WIPF3: variants seen among roughly 807,000 people sequenced by gnomAD.
The protein encoded by WIPF3 is WAS/WASL interacting protein family member 3, also known as WAS/WASL-interacting protein family member 3.
Under a neutral mutation model 38.9 loss-of-function variants are expected in WIPF3, and 33 were observed. The observed-to-expected ratio is 0.85, with a 90% CI of 0.64 to 1.14. WIPF3 has a LOEUF of 1.14. Ranked by LOEUF, WIPF3 falls within the 50% of genes most tolerant of loss-of-function variation. The pLI is 0.00. For synonymous variants in WIPF3, 324 were observed against 269.3 expected, an observed-to-expected ratio of 1.20 and a Z score of -1.99; for missense variants, 711 against 652.5, an observed-to-expected ratio of 1.09 and a Z score of -0.98.
chr7:29,829,934 A>G (rs1583594048), intron 1 of WIPF3, among the ~76,000 whole-genome samples: 2 of 152,344 alleles, frequency 1.3e-5, no homozygotes, highest in East Asian at 1.9e-4. Flanking sequence ...TACATCCTAA[A>G]CATTTTAAAT....
rs531099178 is a variant in WIPF3 at position 29,889,056 on chromosome 7, A to G, written c.1250-250A>G. The stretch of plus-strand genomic sequence containing the variant: ...TCCTTACGGTGTTATTGGTTGAAGT[A>G]AGTTCAGGTGGGTGACAGGGAGTGA... On this transcript the variant is annotated intron_variant, in intron 6 of 8. Coordinates refer to ENST00000242140, the MANE Select transcript of WIPF3 (RefSeq NM_001080529.3). 2.0e-5 allele frequency among the ~76,000 whole-genome samples: 3 copies of G among 152,292 alleles called. No individual in the cohort carries two copies. In the South Asian group the frequency reaches 6.2e-4, roughly 32 times the overall value.
intron 7 of WIPF3, among the ~76,000 whole-genome samples, chr7:29,900,495 G>A (rs2286142): frequency 0.69 from 104,316 of 151,936 alleles, 36,901 homozygotes; most frequent in South Asian, 0.89. Flanking sequence ...TCAGTTCTCT[G>A]CGAGGAGAGG....
intron 2 of WIPF3, among the ~76,000 whole-genome samples, chr7:29,835,988 A>AGATGTCAC (rs1387423392): frequency 2.6e-5 from 4 of 152,206 alleles, no homozygotes; most frequent in Non-Finnish European, 5.9e-5. Context: ...AGTATGCCTG[A>AGATGTCAC]GATGTCACCC....
chr7:29,853,948 A>G (rs1228017543), intron 2 of WIPF3, among the ~76,000 whole-genome samples: 4 of 152,220 alleles, frequency 2.6e-5, no homozygotes, highest in Non-Finnish European at 5.9e-5. Flanking sequence ...ATTTCATTGC[A>G]GCATTTATGT....
chr7:29,829,858 C>T (rs568049474), intron 1 of WIPF3, among the ~76,000 whole-genome samples: 48 of 152,222 alleles, frequency 3.2e-4, no homozygotes, highest in African/African-American at 1.1e-3. Context: ...ATGTGTATTT[C>T]GATGCTGTTT....
In WIPF3 at chr7:29,904,502, A is replaced by G. The variant is rs1230548693; in HGVS notation, c.1428+140A>G. The G allele has an allele frequency of 3.8e-6, 3 of 792,570 alleles. No individual in the cohort carries two copies. The East Asian group carries it at 8.0e-5, about 21-fold the overall frequency. 49.1% of individuals were successfully genotyped at this position (792,570 alleles called of 1,614,324 possible). On this transcript the variant is annotated intron_variant, in intron 8 of 8. Transcript: ENST00000242140. ...TTCCTCAGGGAAAGCCATTTGGTGG[A>G]CCTTTTTTCAAGCCAGAATGAAACA... is the stretch of plus-strand genomic sequence containing the variant.
chr7:29,813,272 A>G (rs567105163), intron 1 of WIPF3, among the ~76,000 whole-genome samples: 14 of 152,288 alleles, frequency 9.2e-5, no homozygotes, highest in Admixed American at 6.5e-4. Flanking sequence ...CTCTCCCTAC[A>G]ATTCAGTTTC....
At chr7:29,851,472 G>C (rs1376260465) in intron 2 of WIPF3, among the ~76,000 whole-genome samples, 2 of 152,010 alleles carry the variant, frequency 1.3e-5, no homozygotes, top group Non-Finnish European at 2.9e-5. Flanking sequence ...TCCTCACCAG[G>C]GTCATGCAAG....
chr7:29,863,445 C>T (rs1158652763), intron 2 of WIPF3, among the ~76,000 whole-genome samples: 2 of 152,238 alleles, frequency 1.3e-5, no homozygotes, highest in African/African-American at 4.8e-5. Flanking sequence ...TCTATCATAA[C>T]CAGACCATAC....
At chr7:29,828,064 G>T (rs937659655) in intron 1 of WIPF3, among the ~76,000 whole-genome samples, 13 of 152,106 alleles carry the variant, frequency 8.5e-5, no homozygotes, top group African/African-American at 2.9e-4. Flanking sequence ...CTCCCAAAGT[G>T]CTGGGATTAC....
intron 1 of WIPF3, among the ~76,000 whole-genome samples, chr7:29,814,186 A>G (rs1422917205): frequency 6.6e-6 from 1 of 152,210 alleles, no homozygotes; most frequent in East Asian, 1.9e-4. Context: ...CCCAAAATAA[A>G]TGTAATAACC....
At chr7:29,834,560 C>A in intron 1 of WIPF3, 108 bp from the exon 2 acceptor site, 1 of 984,636 alleles carries the variant, frequency 1.0e-6, no homozygotes, top group Non-Finnish European at 1.4e-6. Context: ...AATGAATGAA[C>A]AGGTGAAAGA....
chr7:29,831,077 C>A (rs1235643004), intron 1 of WIPF3, among the ~76,000 whole-genome samples: 1 of 152,184 alleles, frequency 6.6e-6, no homozygotes, highest in East Asian at 1.9e-4. Flanking sequence ...TGTTTCAGCT[C>A]TCATCCTATA....
At chr7:29,889,988 G>A (rs189203355) in intron 7 of WIPF3, among the ~76,000 whole-genome samples, 1 of 152,114 alleles carries the variant, frequency 6.6e-6, no homozygotes, top group Non-Finnish European at 1.5e-5. Flanking sequence ...GCCCAGTAAG[G>A]GCCCTCCTCC....
intron 2 of WIPF3, among the ~76,000 whole-genome samples, chr7:29,846,590 A>T (rs1367066143): frequency 1.3e-5 from 2 of 152,166 alleles, no homozygotes; most frequent in African/African-American, 4.8e-5. Context: ...AATCCCAGCT[A>T]CTCGGGAGGC....
chr7:29,830,644 A>G (rs1167134550), intron 1 of WIPF3, among the ~76,000 whole-genome samples: 1 of 151,738 alleles, frequency 6.6e-6, no homozygotes, highest in Non-Finnish European at 1.5e-5. Context: ...AAAGAAAGAA[A>G]GAAATGAGGT....
At chr7:29,894,929 G>T (rs174988) in intron 7 of WIPF3, among the ~76,000 whole-genome samples, 66,945 of 147,502 alleles carry the variant, frequency 0.45, 16,288 homozygotes, top group East Asian at 0.74. Flanking sequence ...GTTTTTTTTT[G>T]TTGTTGTTGT....
chr7:29,874,428 A>G (rs1202077575), intron 2 of WIPF3, among the ~76,000 whole-genome samples: 2 of 152,248 alleles, frequency 1.3e-5, no homozygotes, highest in South Asian at 2.1e-4. Context: ...ACCCTATGAT[A>G]AATGTGACAG....
At chr7:29,869,594 G>A (rs552422421) in intron 2 of WIPF3, among the ~76,000 whole-genome samples, 1 of 152,252 alleles carries the variant, frequency 6.6e-6, no homozygotes, top group African/African-American at 2.4e-5. Context: ...GGGTAGTTGA[G>A]TCTCTAATCC....
Sources: gnomAD v4.1 joint callset for allele counts (sites outside exome capture counted in the v4.1 genomes callset) on GRCh38, gnomAD v4.1.1 for gene constraint, MANE v1.5 for transcripts, NCBI Gene and HGNC (gene_info 2026-07-23, HGNC 2026-07-21) for gene names.